Variants in CRTC3 observed in about 807,000 individuals in gnomAD.
CRTC3 encodes CREB-regulated transcription coactivator 3.
CRTC3 carries 26 observed loss-of-function variants against 74.5 expected under a neutral mutation model. That is an observed-to-expected ratio of 0.35 (90% CI 0.26 to 0.48). The LOEUF (loss-of-function observed/expected upper bound fraction) is 0.48, where lower values mean the gene tolerates loss of function less well. Among genes scored for constraint, CRTC3 ranks in the 20% least tolerant of loss-of-function variants. The pLI is 0.99. For missense variants in CRTC3, 760 were observed against 787.3 expected (o/e 0.97, Z 0.41); for synonymous variants, 377 against 325.8 (o/e 1.16, Z -1.69).
chr15:90,531,827 C>T (rs8028833), intron 1 of CRTC3, among the ~76,000 whole-genome samples: 6,713 of 152,172 alleles, frequency 0.044, 508 homozygotes, highest in African/African-American at 0.15. Flanking sequence ...ATACCTATGG[C>T]GGATCCAATC....
chr15:90,555,015 A>G (rs1220018120), intron 2 of CRTC3, among the ~76,000 whole-genome samples: 1 of 152,204 alleles, frequency 6.6e-6, no homozygotes, highest in Non-Finnish European at 1.5e-5. Context: ...ACAATTGGCC[A>G]TACTCTGGCT....
At chr15:90,568,630 C>T (rs1367712686) in intron 2 of CRTC3, among the ~76,000 whole-genome samples, 1 of 144,668 alleles carries the variant, frequency 6.9e-6, no homozygotes, top group Non-Finnish European at 1.5e-5. Flanking sequence ...GGATTACAGA[C>T]CTATTGACTC....
chr15:90,611,918 G>T (rs1304837407), intron 6 of CRTC3, among the ~76,000 whole-genome samples: 5 of 151,918 alleles, frequency 3.3e-5, no homozygotes, highest in Non-Finnish European at 2.9e-5. Context: ...CCTGCCAAAT[G>T]ACCAGCAGCC....
At chr15:90,638,419 T>TA in intron 11 of CRTC3, 27 bp from the exon 12 acceptor site, 1 of 1,602,396 alleles carries the variant, frequency 6.2e-7, no homozygotes, top group Non-Finnish European at 8.5e-7. Context: ...AGAAGCTCAT[T>TA]AGTGGCTTTG....
At chr15:90,537,469 C>T (rs1360128080) in intron 1 of CRTC3, among the ~76,000 whole-genome samples, 3 of 152,058 alleles carry the variant, frequency 2.0e-5, no homozygotes, top group East Asian at 3.9e-4. Flanking sequence ...CGGCAAGCTC[C>T]GCCTCCCGGG....
intron 9 of CRTC3, among the ~76,000 whole-genome samples, chr15:90,620,773 G>A (rs530960074): frequency 1.7e-4 from 26 of 152,278 alleles, no homozygotes; most frequent in Non-Finnish European, 2.8e-4. Context: ...TTTGGAAATG[G>A]GATTCTTGCA....
chr15:90,611,689 C>G (rs150956146), intron 6 of CRTC3, among the ~76,000 whole-genome samples: 1,920 of 152,186 alleles, frequency 0.013, 31 homozygotes, highest in Middle Eastern at 0.02. Context: ...CATTTTATCC[C>G]AGCAGTATGT....
In CRTC3 at chr15:90,604,375, G is replaced by C. The variant is rs776222103; in HGVS notation, c.414-10G>C. 4 of 1,612,792 alleles carry C rather than the reference G, an allele frequency of 2.5e-6. No individual in the cohort carries two copies. Among genetic ancestry groups the C allele is most frequent in the Non-Finnish European group, 3.4e-6 (4 of 1,178,800 alleles). On this transcript the variant is annotated splice_polypyrimidine_tract_variant and intron_variant, in intron 4 of 14. Transcript: ENST00000268184. ...CTTCTTTTCCTTTTATGTTGTTCTGGTTTTTAAAGGCAGCAGCCTCCTTGG... is the reference window on the plus strand; with the variant it reads ...CTTCTTTTCCTTTTATGTTGTTCTGCTTTTTAAAGGCAGCAGCCTCCTTGG...
At chr15:90,634,615 G>T in intron 11 of CRTC3, 1 of 475,992 alleles carries the variant, frequency 2.1e-6, no homozygotes, top group Non-Finnish European at 3.8e-6. Context: ...GGTTTCCTCA[G>T]GGCCTGGTGA....
At chr15:90,588,891 C>T (rs1243138609) in intron 2 of CRTC3, among the ~76,000 whole-genome samples, 1 of 152,176 alleles carries the variant, frequency 6.6e-6, no homozygotes, top group South Asian at 2.1e-4. Flanking sequence ...TATGTAACAT[C>T]ATTTTGTCTT....
At position 90,638,458 on chromosome 15, in the gene CRTC3, G is replaced by A. The variant is rs1195939709; in HGVS notation, c.1279G>A (p.Asp427Asn). The change falls in exon 12 of 15, where the codon GAC becomes AAC. Residue 427 changes from aspartate (D) to asparagine (N), a missense_variant. Physicochemically the swap from Asp to Asn is conservative, Grantham distance 23. Around this residue, in one of 2 missense-constraint regions of CRTC3, gnomAD observed 652 missense variants for 635.2 expected, o/e 1.03. Coordinates refer to ENST00000268184, the MANE Select transcript of CRTC3 (RefSeq NM_022769.5). ...PYPTSQMVSS[D>N]RSQLSFLPTE... ...GTTTGTTTTGCAGATGGTGTCCTCA[G>A]ACCGAAGCCAACTTTCCTTTCTGCC... 6.2e-7 allele frequency: 1 copy of A among 1,614,052 alleles called. No homozygotes were observed. The highest frequency in any genetic ancestry group is 1.7e-5 in the Admixed American group (1 of 60,012).
chr15:90,603,343 T>C (rs960226565), intron 4 of CRTC3, among the ~76,000 whole-genome samples: 41 of 150,630 alleles, frequency 2.7e-4, no homozygotes, highest in African/African-American at 9.0e-4. Flanking sequence ...CTCGGGAGGC[T>C]GAGGCAGGAG....
At chr15:90,602,661 A>T (rs145214007) in intron 4 of CRTC3, among the ~76,000 whole-genome samples, 8 of 151,686 alleles carry the variant, frequency 5.3e-5, no homozygotes, top group Non-Finnish European at 1.2e-4. Flanking sequence ...CAAAACAACA[A>T]CAACAACAAC....
chr15:90,593,485 CTACT>C, intron 2 of CRTC3, 147 bp from the exon 3 acceptor site: 1 of 700,614 alleles, frequency 1.4e-6, no homozygotes, highest in Non-Finnish European at 2.3e-6. Context: ...GTTCCATATA[CTACT>C]TTATTTACCT....
intron 2 of CRTC3, among the ~76,000 whole-genome samples, chr15:90,572,146 A>G (rs1298640526): frequency 1.5e-5 from 2 of 133,136 alleles, no homozygotes; most frequent in Non-Finnish European, 3.1e-5. Context: ...TGGCTGACAG[A>G]GCGAGATTCT....
chr15:90,599,277 A>G (rs1014840648), intron 3 of CRTC3: 1 of 152,234 alleles, frequency 6.6e-6, no homozygotes, highest in African/African-American at 2.4e-5. Flanking sequence ...CTAAGGAAGC[A>G]ATGGAGGAGG....
rs1183743673 is a variant in CRTC3, at chr15:90,619,776, T to C, written c.735T>C (p.Asp245=). ...QSLSGRPRSC[D]VGGGNAFPHN... Reference sequence around the variant, plus strand: ...TGTCAGGACGCCCTCGATCCTGTGATGTTGGAGGTGGCAAGTAAGTAATAT... The same window carrying C: ...TGTCAGGACGCCCTCGATCCTGTGACGTTGGAGGTGGCAAGTAAGTAATAT... Residue 245 remains aspartate, a synonymous_variant, in exon 9 of 15, where the codon GAT becomes GAC. Coordinates refer to ENST00000268184, the MANE Select transcript of CRTC3 (RefSeq NM_022769.5). 1.9e-6 allele frequency: 3 copies of C among 1,613,516 alleles called. No homozygotes were observed. The highest frequency in any genetic ancestry group is 1.6e-4 in the Middle Eastern group (1 of 6,082).
chr15:90,601,031 G>A (rs1447263701), intron 3 of CRTC3, among the ~76,000 whole-genome samples: 1 of 152,218 alleles, frequency 6.6e-6, no homozygotes, highest in East Asian at 1.9e-4. Flanking sequence ...TCCCCAAATT[G>A]TGGATCACCG....
chr15:90,613,401 C>T (rs1202790873), intron 6 of CRTC3, among the ~76,000 whole-genome samples: 2 of 152,090 alleles, frequency 1.3e-5, no homozygotes, highest in Non-Finnish European at 2.9e-5. Flanking sequence ...CTTCATTTAT[C>T]GACCTCTTCG....
Sources: gnomAD v4.1 joint callset for allele counts (sites outside exome capture counted in the v4.1 genomes callset) on GRCh38, gnomAD v4.1.1 for gene constraint, gnomAD v4.1.1 regional missense constraint, MANE v1.5 for transcripts, NCBI Gene and HGNC (gene_info 2026-07-23, HGNC 2026-07-21) for gene names.